Variants in NOB1 observed in about 807,000 individuals in gnomAD.
NOB1 encodes the protein RNA-binding protein NOB1.
Under a neutral mutation model 44.8 loss-of-function variants are expected in NOB1, and 44 were observed. That is an observed-to-expected ratio of 0.98 (90% CI 0.77 to 1.26). The LOEUF (loss-of-function observed/expected upper bound fraction) is 1.26. Ranked by LOEUF, NOB1 falls within the 50% of genes most tolerant of loss-of-function variation. The probability of loss-of-function intolerance (pLI) is 0.00; values close to 1 mark genes in which losing one functional copy is unlikely to be tolerated. For missense variants in NOB1, 560 were observed against 544.8 expected, an observed-to-expected ratio of 1.03 and a Z score of -0.28; for synonymous variants, 238 against 218.7, an observed-to-expected ratio of 1.09 and a Z score of -0.78.
chr16:69,752,140 G>A (rs1597618265), intron 3 of NOB1, 101 bp downstream of exon 3: 6 of 1,045,758 alleles, frequency 5.7e-6, no homozygotes, highest in Middle Eastern at 3.2e-4. Flanking sequence ...TGGAGGGGGG[G>A]ATGATGGGAA....
At position 69,749,117 on chromosome 16, in the gene NOB1, A is replaced by G; in HGVS notation, c.527T>C (p.Ile176Thr). The change falls in exon 6 of 9, where the codon ATT becomes ACT. Residue 176 changes from isoleucine (I) to threonine (T), a missense_variant and splice_region_variant. By Grantham distance (89) the Ile-to-Thr change is moderately conservative. Transcript: ENST00000268802. ...ACTTGGAACGTCCTCACCTCTGTCA[A>G]TCTGAAACATCAACAGACCTTTCAA... ...NIDHELQELL[I>T]DRGEDVPSEE... The G allele has an allele frequency of 6.2e-7, 1 of 1,614,172 alleles. No homozygotes were observed. Among genetic ancestry groups the G allele is most frequent in the Non-Finnish European group, 8.5e-7 (1 of 1,180,032 alleles).
chr16:69,744,594 C>T (rs960124007), intron 8 of NOB1, among the ~76,000 whole-genome samples: 8 of 152,130 alleles, frequency 5.3e-5, no homozygotes, highest in Admixed American at 1.3e-4. Flanking sequence ...CGAGACCCTG[C>T]CCATCCTTCA....
intron 2 of NOB1, 27 bp from the exon 3 acceptor site, chr16:69,752,398 G>A: frequency 1.2e-6 from 2 of 1,601,490 alleles, no homozygotes; most frequent in Non-Finnish European, 1.7e-6. Context: ...TACATCTTCA[G>A]TTAGAGGTAA....
chr16:69,754,534 T>C lies in NOB1; in HGVS notation c.196+60A>G, dbSNP rs1165690572. 8.7e-6 allele frequency: 14 copies of C among 1,600,034 alleles called. No individual in the cohort carries two copies. The East Asian group carries it at 3.1e-4, about 36-fold the overall frequency. Reference sequence around the variant, plus strand: ...AGCTAGACCCCAACTCGCACCCAACTGGGTGCCATCTGCGCCCTGGACCCC... The same window carrying C: ...AGCTAGACCCCAACTCGCACCCAACCGGGTGCCATCTGCGCCCTGGACCCC... On this transcript the variant is annotated intron_variant, in intron 2 of 8. Coordinates refer to ENST00000268802, the MANE Select transcript of NOB1 (RefSeq NM_014062.3).
chr16:69,744,987 G>A lies in NOB1; in HGVS notation c.855C>T (p.Cys285=), dbSNP rs1239447195. 2.5e-6 allele frequency: 4 copies of A among 1,614,056 alleles called. No homozygotes were observed. The highest frequency in any genetic ancestry group is 1.3e-5 in the African/African-American group (1 of 74,918). ...TCAGGGTCTTGTTCCCACAGTGTGA[G>A]CAGAACACTCGGCTCATGTCAGACG... ...KTTSDMSRVF[C]SHCGNKTLKK... The change falls in exon 8 of 9, where the codon TGC becomes TGT. Residue 285 remains cysteine (C), a synonymous_variant. Transcript: ENST00000268802.
intron 7 of NOB1, 26 bp downstream of exon 7, chr16:69,748,206 C>T: frequency 1.9e-6 from 3 of 1,566,882 alleles, no homozygotes; most frequent in South Asian, 1.1e-5. Flanking sequence ...ACAGAGGGCA[C>T]CAGGGCCAGG....
intron 7 of NOB1, among the ~76,000 whole-genome samples, chr16:69,747,232 A>AAAG (rs1254094425): frequency 6.6e-6 from 1 of 151,158 alleles, no homozygotes; most frequent in Admixed American, 6.6e-5. Context: ...CAAAAAAAAA[A>AAAG]AAAAAAAAAA....
chr16:69,754,785 C>G, intron 1 of NOB1, 59 bp from the exon 2 acceptor site: 1 of 1,612,014 alleles, frequency 6.2e-7, no homozygotes. Context: ...CCGCGCGACT[C>G]CACGCACTCC....
chr16:69,748,288 G>C lies in NOB1; in HGVS notation c.768C>G (p.Asn256Lys). Reference protein sequence around the residue: ...LQMGLHVLAVNGMLIREARSY... With the variant: ...LQMGLHVLAVKGMLIREARSY... ...TCCGGGCCTCACGAATCAGCATGCC[G>C]TTCACCGCCAGCACGTGCAGCCCCA... Residue 256 changes from asparagine to lysine, a missense_variant, in exon 7 of 9, where the codon AAC becomes AAG. Physicochemically the swap from Asn to Lys is moderately conservative, Grantham distance 94. Coordinates refer to ENST00000268802, the MANE Select transcript of NOB1 (RefSeq NM_014062.3). 6.2e-7 allele frequency: 1 copy of C among 1,614,002 alleles called. No individual in the cohort carries two copies. The highest frequency in any genetic ancestry group is 8.5e-7 in the Non-Finnish European group (1 of 1,179,926).
Position 69,742,148 on chromosome 16 carries a change from C to G in NOB1, c.*184G>C. 1 of 675,204 alleles carries G rather than the reference C, an allele frequency of 1.5e-6. No homozygotes were observed. The highest frequency in any genetic ancestry group is 2.4e-5 in the South Asian group (1 of 41,094). 41.8% of individuals were successfully genotyped at this position (675,204 alleles called of 1,614,324 possible). On this transcript the variant is annotated 3_prime_UTR_variant, in exon 9 of 9. Transcript: ENST00000268802. ...GCAGGCAGCCAGGCGCTCCGGTGCT[C>G]ACAGGCCATGGGACAGTCCAGTTCC...
At chr16:69,745,691 T>A (rs2038425072) in intron 7 of NOB1, among the ~76,000 whole-genome samples, 1 of 152,238 alleles carries the variant, frequency 6.6e-6, no homozygotes, top group African/African-American at 2.4e-5. Context: ...AAGCTGCTGC[T>A]ATCAGCGGCA....
intron 4 of NOB1, 107 bp from the exon 5 acceptor site, chr16:69,749,445 G>A: frequency 6.5e-7 from 1 of 1,540,432 alleles, no homozygotes; most frequent in Non-Finnish European, 8.9e-7. Flanking sequence ...GACAGGGCTG[G>A]ACAAACTATG....
chr16:69,748,250 C>A lies in NOB1; in HGVS notation c.806G>T (p.Arg269Leu), dbSNP rs199699618. ...LIREARSYILRCHGCFKTTSD... is the reference protein window; with the variant it reads ...LIREARSYILLCHGCFKTTSD... ...TACATACTTGAAACAGCCATGGCAG[C>A]GCAAGATGTAGCTCCGGGCCTCACG... The change falls in exon 7 of 9, where the codon CGC (arginine) becomes CTC (leucine). Residue 269 changes from arginine (R) to leucine (L), a missense_variant. Arg to Leu is a moderately radical substitution (Grantham distance 102, BLOSUM62 -2). Coordinates refer to ENST00000268802, the MANE Select transcript of NOB1 (RefSeq NM_014062.3). 6.2e-7 allele frequency: 1 copy of A among 1,613,674 alleles called. No homozygotes were observed. The highest frequency in any genetic ancestry group is 1.1e-5 in the South Asian group (1 of 91,062).
intron 8 of NOB1, 49 bp downstream of exon 8, chr16:69,744,824 T>C (rs1431293306): frequency 6.3e-7 from 1 of 1,591,834 alleles, no homozygotes; most frequent in Non-Finnish European, 8.5e-7. Context: ...GTCCTTTCTG[T>C]TCTTTTTCAC....
In NOB1 at chr16:69,742,485, G is replaced by T. The variant is rs199823310; in HGVS notation, c.1086C>A (p.Phe362Leu). 111 of 1,614,116 alleles carry T rather than the reference G, an allele frequency of 6.9e-5. No individual in the cohort carries two copies. Among genetic ancestry groups the T allele is most frequent in the Non-Finnish European group, 8.7e-5 (103 of 1,180,052 alleles). Residue 362 changes from phenylalanine (F) to leucine (L), a missense_variant, in exon 9 of 9, where the codon TTC (phenylalanine) becomes TTA (leucine). Transcript: ENST00000268802. The stretch of plus-strand genomic sequence containing the variant: ...ACACCCCGGCGATGTAGTCAGGGGC[G>T]AACACGTTGGTTTTCTGCCTGGCCT... Reference protein sequence around the residue: ...SQKARQKTNVFAPDYIAGVSP... With the variant: ...SQKARQKTNVLAPDYIAGVSP...
chr16:69,742,377 G>A lies in NOB1; in HGVS notation c.1194C>T (p.Arg398=). The A allele has an allele frequency of 1.2e-6, 2 of 1,614,160 alleles. No homozygotes were observed. The highest frequency in any genetic ancestry group is 2.2e-5 in the East Asian group (1 of 44,888). Residue 398 remains arginine, a synonymous_variant, in exon 9 of 9, where the codon CGC becomes CGT. Coordinates refer to ENST00000268802, the MANE Select transcript of NOB1 (RefSeq NM_014062.3). Reference sequence around the variant, plus strand: ...TCTTTCTGGAAGCGTTGGGATTTAAGCGTCTCCGCCCAGCTCCCAAGGTGC... The same window carrying A: ...TCTTTCTGGAAGCGTTGGGATTTAAACGTCTCCGCCCAGCTCCCAAGGTGC... The part of the protein sequence containing the change: ...RDSTLGAGRR[R]LNPNASRKKF...
Position 69,742,433 on chromosome 16 carries a change from T to C in NOB1, c.1138A>G (p.Ser380Gly). 6.2e-7 allele frequency: 1 copy of C among 1,614,256 alleles called. No individual in the cohort carries two copies. Among genetic ancestry groups the C allele is most frequent in the South Asian group, 1.1e-5 (1 of 91,092 alleles). The change falls in exon 9 of 9, where the codon AGC (serine) becomes GGC (glycine). Residue 380 changes from serine to glycine, a missense_variant. Physicochemically the swap from Ser to Gly is moderately conservative, Grantham distance 56. Transcript: ENST00000268802. Reference sequence around the variant, plus strand: ...CGGACCTGCAGGGTAGCTGAGCGGCTGGAGATGTCATTCTCGACAAAGGGT... The same window carrying C: ...CGGACCTGCAGGGTAGCTGAGCGGCCGGAGATGTCATTCTCGACAAAGGGT... The part of the protein sequence containing the change: ...VSPFVENDIS[S>G]RSATLQVRDS...
intron 3 of NOB1, among the ~76,000 whole-genome samples, chr16:69,751,475 T>G (rs1182446149): frequency 4.0e-5 from 6 of 151,404 alleles, no homozygotes; most frequent in African/African-American, 1.5e-4. Context: ...AAGACCAGCC[T>G]GGGCAACACA....
At position 69,749,011 on chromosome 16, in the gene NOB1, G is replaced by A; in HGVS notation, c.633C>T (p.Pro211=). 1.9e-6 allele frequency: 3 copies of A among 1,614,212 alleles called. No homozygotes were observed. Among genetic ancestry groups the A allele is most frequent in the Non-Finnish European group, 1.7e-6 (2 of 1,180,040 alleles). Residue 211 remains proline, a synonymous_variant, in exon 6 of 9, where the codon CCC becomes CCT. Transcript: ENST00000268802. ...CCTGCTGGATCTGCTTGATGTTACTGGGGGTTATCCAGCCACCCCCGTCGT... is the reference window on the plus strand; with the variant it reads ...CCTGCTGGATCTGCTTGATGTTACTAGGGGTTATCCAGCCACCCCCGTCGT... The part of the protein sequence containing the change: ...SDDDGGGWIT[P]SNIKQIQQEL...
Sources: allele counts gnomAD v4.1 joint callset (sites outside exome capture counted in the v4.1 genomes callset), GRCh38; gene constraint gnomAD v4.1.1; transcripts MANE v1.5; gene names NCBI Gene and HGNC (gene_info 2026-07-23, HGNC 2026-07-21).